IKBKB: variants seen among roughly 807,000 people sequenced by gnomAD.
IKBKB encodes inhibitor of nuclear factor kappa B kinase subunit beta.
IKBKB carries 42 observed loss-of-function variants against 113.6 expected under a neutral mutation model. That is an observed-to-expected ratio of 0.37 (90% CI 0.29 to 0.48). The LOEUF (loss-of-function observed/expected upper bound fraction) is 0.48, where lower values mean the gene tolerates loss of function less well. Among genes scored for constraint, IKBKB ranks in the 20% least tolerant of loss-of-function variants. The pLI is 0.99. For missense variants in IKBKB, 673 were observed against 939.7 expected, an observed-to-expected ratio of 0.72 and a Z score of 3.71; for synonymous variants, 296 against 361.3, an observed-to-expected ratio of 0.82 and a Z score of 2.05.
intron 1 of IKBKB, 133 bp downstream of exon 1, chr8:42,271,602 C>T: frequency 1.8e-6 from 1 of 551,000 alleles, no homozygotes; most frequent in Non-Finnish European, 3.2e-6. Flanking sequence ...TTCACTTGTG[C>T]GGGTTGGAGT....
intron 15 of IKBKB, 25 bp downstream of exon 15, chr8:42,319,671 G>C (rs1281223612): frequency 6.4e-7 from 1 of 1,562,404 alleles, no homozygotes; most frequent in Non-Finnish European, 8.6e-7. Flanking sequence ...TTGGGTTTCG[G>C]AACTTACCAA....
At chr8:42,287,559 G>T (rs1373806440) in intron 2 of IKBKB, among the ~76,000 whole-genome samples, 3 of 152,226 alleles carry the variant, frequency 2.0e-5, no homozygotes, top group African/African-American at 7.2e-5. Context: ...TGGGAAGAGT[G>T]GCTGGAAATG....
chr8:42,292,222 G>A (rs1812786932), intron 4 of IKBKB, among the ~76,000 whole-genome samples: 1 of 152,240 alleles, frequency 6.6e-6, no homozygotes, highest in African/African-American at 2.4e-5. Flanking sequence ...AGACTTCTCA[G>A]AGGGCAGTCT....
rs202078453 is a variant in IKBKB, at chr8:42,288,747, G to A, written c.200+19G>A. The A allele has an allele frequency of 6.3e-7, 1 of 1,579,128 alleles. No homozygotes were observed. The highest frequency in any genetic ancestry group is 1.1e-5 in the South Asian group (1 of 88,660). On this transcript the variant is annotated intron_variant, in intron 3 of 21. Coordinates refer to ENST00000520810, the MANE Select transcript of IKBKB (RefSeq NM_001556.3). ...TGAGAAGGTGAGGGCCTCGCGCATAGGGACCCAAGGGAAAGCTGGAGCAGC... is the reference window on the plus strand; with the variant it reads ...TGAGAAGGTGAGGGCCTCGCGCATAAGGACCCAAGGGAAAGCTGGAGCAGC...
chr8:42,272,357 C>A, intron 2 of IKBKB, 152 bp downstream of exon 2: 2 of 949,092 alleles, frequency 2.1e-6, no homozygotes, highest in African/African-American at 1.6e-5. Flanking sequence ...GGCTTCAGGA[C>A]TTCTGAGCTG....
At chr8:42,298,490 G>T in intron 5 of IKBKB, 1 of 985,248 alleles carries the variant, frequency 1.0e-6, no homozygotes, top group Non-Finnish European at 1.2e-6. Flanking sequence ...TGCACATCAG[G>T]TGCACTGTCT....
chr8:42,321,837 A>T (rs1018873459), intron 16 of IKBKB, 59 bp from the exon 17 acceptor site: 9 of 1,292,928 alleles, frequency 7.0e-6, no homozygotes, highest in African/African-American at 1.5e-5. Context: ...TACCAAAAAA[A>T]TGTAAAAATT....
chr8:42,302,340 T>C (rs1815393647), intron 5 of IKBKB, among the ~76,000 whole-genome samples: 1 of 152,240 alleles, frequency 6.6e-6, no homozygotes, highest in South Asian at 2.1e-4. Context: ...AGCGAGTCTT[T>C]CACCTCATCT....
intron 5 of IKBKB, among the ~76,000 whole-genome samples, chr8:42,302,927 T>C (rs1162397493): frequency 6.6e-6 from 1 of 152,180 alleles, no homozygotes. Flanking sequence ...TTAGAGTCTT[T>C]GCAGAGAATG....
At chr8:42,312,050 C>T (rs533415338) in intron 8 of IKBKB, among the ~76,000 whole-genome samples, 1 of 152,262 alleles carries the variant, frequency 6.6e-6, no homozygotes, top group African/African-American at 2.4e-5. Context: ...CCACGCCTGG[C>T]TAATTTTTTG....
chr8:42,314,912 TC>T, intron 9 of IKBKB, among the ~76,000 whole-genome samples: 1 of 152,326 alleles, frequency 6.6e-6, no homozygotes. Flanking sequence ...TGGGTTTTCC[TC>T]CCTTATCTCC....
intron 4 of IKBKB, 34 bp from the exon 5 acceptor site, chr8:42,293,409 C>G (rs763337315): frequency 6.2e-7 from 1 of 1,610,798 alleles, no homozygotes; most frequent in African/African-American, 1.3e-5. Flanking sequence ...TTTGTGACCA[C>G]CAGCTCTGAT....
intron 2 of IKBKB, among the ~76,000 whole-genome samples, chr8:42,279,731 C>T (rs1010592181): frequency 2.0e-5 from 3 of 152,220 alleles, no homozygotes; most frequent in African/African-American, 4.8e-5. Context: ...TCCATTGTGC[C>T]TGTGGCTTCT....
chr8:42,306,343 T>C lies in IKBKB; in HGVS notation c.478T>C (p.Leu160=). The part of the protein sequence containing the change: ...NIVLQQGEQR[L]IHKIIDLGYA... Reference sequence around the variant, plus strand: ...AGCTTTCTCCTTCCTTTTGTTTTAGTTAATACACAAAATTATTGACCTAGG... The same window carrying C: ...AGCTTTCTCCTTCCTTTTGTTTTAGCTAATACACAAAATTATTGACCTAGG... Residue 160 remains leucine, a splice_region_variant and synonymous_variant, in exon 7 of 22, where the codon TTA becomes CTA. Transcript: ENST00000520810. 6.3e-7 allele frequency: 1 copy of C among 1,595,702 alleles called. No individual in the cohort carries two copies. The highest frequency in any genetic ancestry group is 8.6e-7 in the Non-Finnish European group (1 of 1,163,276).
At chr8:42,294,407 C>T (rs1813287331) in intron 5 of IKBKB, among the ~76,000 whole-genome samples, 1 of 152,136 alleles carries the variant, frequency 6.6e-6, no homozygotes, top group Non-Finnish European at 1.5e-5. Flanking sequence ...ACATACCGTT[C>T]CCCTCGGTTC....
At chr8:42,307,183 A>G (rs1386579533) in intron 7 of IKBKB, among the ~76,000 whole-genome samples, 2 of 152,050 alleles carry the variant, frequency 1.3e-5, no homozygotes, top group Non-Finnish European at 1.5e-5. Flanking sequence ...AAGGGTAAGG[A>G]GGTGAAAAGG....
rs770567145 is a variant in IKBKB at position 42,318,602 on chromosome 8, G to A, written c.1291G>A (p.Gly431Ser). 1.7e-5 allele frequency: 28 copies of A among 1,613,842 alleles called. No individual in the cohort carries two copies. The highest frequency in any genetic ancestry group is 2.3e-5 in the Non-Finnish European group (27 of 1,179,830). Residue 431 changes from glycine (G) to serine (S), a missense_variant, in exon 13 of 22, where the codon GGC (glycine) becomes AGC (serine). Around this residue, in one of 2 missense-constraint regions of IKBKB, gnomAD observed 506 missense variants for 638.7 expected, o/e 0.79. Transcript: ENST00000520810. ...LAFFQLRKVW[G>S]QVWHSIQTLK... is the part of the protein sequence containing the mutation. ...CTTCTTCCAGCTGAGGAAGGTGTGG[G>A]GCCAGGTCTGGCACAGCATCCAGAC...
intron 2 of IKBKB, chr8:42,272,443 T>C (rs1807979815): frequency 1.6e-6 from 1 of 606,336 alleles, no homozygotes; most frequent in South Asian, 2.0e-5. Context: ...AAGCTCTTAG[T>C]CTCTATTATA....
chr8:42,312,803 C>T (rs1033365929), intron 8 of IKBKB, among the ~76,000 whole-genome samples: 2 of 152,206 alleles, frequency 1.3e-5, no homozygotes, highest in African/African-American at 4.8e-5. Flanking sequence ...AGTGTGCTCC[C>T]GATAGGCCGG....
Sources: gnomAD v4.1 joint callset for allele counts (sites outside exome capture counted in the v4.1 genomes callset) on GRCh38, gnomAD v4.1.1 for gene constraint, gnomAD v4.1.1 regional missense constraint, MANE v1.5 for transcripts, NCBI Gene and HGNC (gene_info 2026-07-23, HGNC 2026-07-21) for gene names.